ESPL1: variants seen among roughly 807,000 people sequenced by gnomAD.
The protein encoded by ESPL1 is separin.
ESPL1 carries 50 observed loss-of-function variants against 217.2 expected under a neutral mutation model. That is an observed-to-expected ratio of 0.23 (90% CI 0.18 to 0.29). The LOEUF is 0.29. Among genes scored for constraint, ESPL1 ranks in the 10% least tolerant of loss-of-function variants. The pLI is 1.00. For missense variants in ESPL1, 1,834 were observed against 2,603.0 expected (o/e 0.70, Z 6.43); for synonymous variants, 994 against 1,081.3 (o/e 0.92, Z 1.58).
Position 53,277,939 on chromosome 12 carries a change from C to T in ESPL1, c.2343C>T (p.Ala781=). The T allele has an allele frequency of 6.2e-7, 1 of 1,613,864 alleles. No homozygotes were observed. ...CAGCCTCACTGCAGATCCTAGCAGC[C>T]CTCTACCAGCTGGTGGCAAAGGTAA... The part of the protein sequence containing the change: ...QTAASLQILA[A]LYQLVAKPMQ... Residue 781 remains alanine (A), a synonymous_variant, in exon 11 of 31, where the codon GCC becomes GCT. Transcript: ENST00000257934.
intron 11 of ESPL1, among the ~76,000 whole-genome samples, chr12:53,278,794 T>C (rs1401741321): frequency 6.6e-6 from 1 of 152,078 alleles, no homozygotes; most frequent in East Asian, 1.9e-4. Flanking sequence ...TTTCACCATA[T>C]TGGCCAGGCC....
intron 17 of ESPL1, among the ~76,000 whole-genome samples, chr12:53,285,580 G>C (rs1192817313): frequency 6.6e-6 from 1 of 152,032 alleles, no homozygotes; most frequent in Non-Finnish European, 1.5e-5. Context: ...GTGGTGGTGG[G>C]CGCCTGTAGT....
rs114605266 is a variant in ESPL1, at chr12:53,270,895, G to C, written c.1369+97G>C. ...GCTGCGTGGTTCTGACCACTGTGAGGGTTCCTTATGGTTCAAGGAGGCAGT... is the reference window on the plus strand; with the variant it reads ...GCTGCGTGGTTCTGACCACTGTGAGCGTTCCTTATGGTTCAAGGAGGCAGT... On this transcript the variant is annotated intron_variant, in intron 5 of 30. Transcript: ENST00000257934. The C allele has an allele frequency of 1.5e-3, 2,016 of 1,319,814 alleles. 33 individuals are homozygous for C. The African/African-American group carries it at 0.026, about 17-fold the overall frequency. The allele number at this position is 1,319,814 out of a possible 1,614,324, so 81.8% of individuals were successfully genotyped here. A position where few individuals can be genotyped will look rare whatever the true frequency, so the allele number is the denominator to read the frequency against.
At chr12:53,289,339 C>G (rs1944012664) in intron 21 of ESPL1, 36 bp downstream of exon 21, 4 of 1,609,822 alleles carry the variant, frequency 2.5e-6, no homozygotes, top group Non-Finnish European at 3.4e-6. Context: ...CCTGCTGGGG[C>G]AGACTAGAGA....
At chr12:53,280,494 G>A (rs1045471957) in intron 12 of ESPL1, among the ~76,000 whole-genome samples, 2 of 151,702 alleles carry the variant, frequency 1.3e-5, no homozygotes, top group Admixed American at 1.3e-4. Context: ...TCACCCTCCC[G>A]AGTAACTGGG....
At position 53,282,550 on chromosome 12, in the gene ESPL1, A is replaced by G. The variant is rs1943881199; in HGVS notation, c.2791+115A>G. 11 of 944,140 alleles carry G rather than the reference A, an allele frequency of 1.2e-5. No individual in the cohort carries two copies. In the Admixed American group the frequency reaches 2.4e-4, roughly 20 times the overall value. The allele number at this position is 944,140 out of a possible 1,614,324, so 58.5% of individuals were successfully genotyped here. A position where few individuals can be genotyped will look rare whatever the true frequency, so the allele number is the denominator to read the frequency against. ...TAACTATGTGGCCCAGCCTACCTAG[A>G]ACCTGCACAGAGTAGGCCTGGGATA... On this transcript the variant is annotated intron_variant, in intron 14 of 30. Coordinates refer to ENST00000257934, the MANE Select transcript of ESPL1 (RefSeq NM_012291.5). This position sits in a 1 kb window ranked among gnomAD's most constrained non-coding sequence, Gnocchi z 4.0.
chr12:53,292,722 C>T lies in ESPL1; in HGVS notation c.5996+65C>T. ...CTGAGGATGGTATCACCATGGGTTG[C>T]TTTGGGACTTGAGAGCCTCTGAAGA... On this transcript the variant is annotated intron_variant, in intron 29 of 30. Coordinates refer to ENST00000257934, the MANE Select transcript of ESPL1 (RefSeq NM_012291.5). This position sits in a 1 kb window ranked among gnomAD's most constrained non-coding sequence, Gnocchi z 4.5. The T allele has an allele frequency of 6.2e-7, 1 of 1,601,584 alleles. No individual in the cohort carries two copies. The highest frequency in any genetic ancestry group is 8.5e-7 in the Non-Finnish European group (1 of 1,171,342).
intron 18 of ESPL1, 125 bp downstream of exon 18, chr12:53,287,037 C>T: frequency 1.1e-6 from 1 of 926,850 alleles, no homozygotes. Flanking sequence ...ACTTTAATCT[C>T]CTGCTATCTG....
At chr12:53,273,588 G>A (rs957403972) in intron 6 of ESPL1, among the ~76,000 whole-genome samples, 6 of 150,932 alleles carry the variant, frequency 4.0e-5, no homozygotes, top group Non-Finnish European at 5.9e-5. Flanking sequence ...GTGAAACCCC[G>A]TCTCTACTGA....
chr12:53,289,905 G>A (rs1221276201), intron 22 of ESPL1, 180 bp from the exon 23 acceptor site: 3 of 659,038 alleles, frequency 4.6e-6, no homozygotes, highest in Non-Finnish European at 7.7e-6. Flanking sequence ...GGGACACAAA[G>A]TACAAGTCAT....
In ESPL1 at chr12:53,291,885, G is replaced by C. The variant is rs775420823; in HGVS notation, c.5691+25G>C. 1.9e-6 allele frequency: 3 copies of C among 1,586,900 alleles called. No homozygotes were observed. The Admixed American group carries it at 5.2e-5, about 27-fold the overall frequency. On this transcript the variant is annotated intron_variant, in intron 26 of 30. Transcript: ENST00000257934. ...GGTAAGGAGCTGGGGCAGAGGGGCA[G>C]TGTCTAGTGGGGAGTGAATACCAAC...
Position 53,286,932 on chromosome 12 carries a change from A to AGGTGGT in ESPL1, c.4176+25_4176+30dup. ...CTCAAGGTGAGGTGGGACTGTTGCT[A>AGGTGGT]GGTGGTGGTGATGGTGTTGGATGGG... On this transcript the variant is annotated intron_variant, in intron 18 of 30. Coordinates refer to ENST00000257934, the MANE Select transcript of ESPL1 (RefSeq NM_012291.5). The surrounding 1 kb of genome is among the most constrained non-coding windows in gnomAD (Gnocchi z 5.3). 6.4e-7 allele frequency: 1 copy of AGGTGGT among 1,565,128 alleles called. No individual in the cohort carries two copies. The highest frequency in any genetic ancestry group is 8.6e-7 in the Non-Finnish European group (1 of 1,156,764).
chr12:53,289,485 C>G lies in ESPL1; in HGVS notation c.5004C>G (p.Val1668=). The G allele has an allele frequency of 6.2e-7, 1 of 1,613,974 alleles. No homozygotes were observed. Among genetic ancestry groups the G allele is most frequent in the Non-Finnish European group, 8.5e-7 (1 of 1,179,868 alleles). Residue 1668 remains valine, a synonymous_variant, in exon 22 of 31, where the codon GTC becomes GTG. Transcript: ENST00000257934. ...GCCTTCAGGAGATGCCTGGAGATGT[C>G]CCCCTGGCCCGCATCCAGCGCCTCT... ...GLSLQEMPGD[V]PLARIQRLFS...
chr12:53,293,629 A>T lies in ESPL1; in HGVS notation c.*155A>T. 1.6e-6 allele frequency: 1 copy of T among 632,450 alleles called. No individual in the cohort carries two copies. Among genetic ancestry groups the T allele is most frequent in the Admixed American group, 2.9e-5 (1 of 34,408 alleles). 39.2% of individuals were successfully genotyped at this position (632,450 alleles called of 1,614,324 possible). The stretch of plus-strand genomic sequence containing the variant: ...TTTAACCTCAGTATAATAAAGATAC[A>T]TCATTTAAACCCTGTTTTGCGTAGT... On this transcript the variant is annotated 3_prime_UTR_variant, in exon 31 of 31. Transcript: ENST00000257934. The surrounding 1 kb of genome is among the most constrained non-coding windows in gnomAD (Gnocchi z 4.2).
rs1369409438 is a variant in ESPL1, at chr12:53,290,444, G to A, written c.5339G>A (p.Arg1780Gln). The change falls in exon 24 of 31, where the codon CGG becomes CAG. Residue 1780 changes from arginine to glutamine, a missense_variant. Coordinates refer to ENST00000257934, the MANE Select transcript of ESPL1 (RefSeq NM_012291.5). ...GACAAGCGAGAATGGTGGACAGGGC[G>A]GCTGGCACTGGACCACAGGATGGAG... ...CTDKREWWTGRLALDHRMEVL... is the reference protein window; with the variant it reads ...CTDKREWWTGQLALDHRMEVL... 3 of 1,612,928 alleles carry A rather than the reference G, an allele frequency of 1.9e-6. No individual in the cohort carries two copies. Among genetic ancestry groups the A allele is most frequent in the East Asian group, 2.2e-5 (1 of 44,892 alleles).
rs1333049490 is a variant in ESPL1, at chr12:53,277,502, T to G, written c.2118T>G (p.Pro706=). The G allele has an allele frequency of 1.2e-6, 2 of 1,614,134 alleles. No individual in the cohort carries two copies. Among genetic ancestry groups the G allele is most frequent in the Admixed American group, 3.3e-5 (2 of 60,010 alleles). Residue 706 remains proline, a synonymous_variant, in exon 10 of 31, where the codon CCT becomes CCG. Transcript: ENST00000257934. The part of the protein sequence containing the change: ...GIERDRRAQA[P]GNLEEFEVND... ...AGCGGGATCGGAGAGCCCAGGCCCC[T>G]GGTAACTTGGAGGAATTTGAAGTCA...
chr12:53,268,810 G>T lies in ESPL1; in HGVS notation c.44G>T (p.Ser15Ile). 6.2e-7 allele frequency: 1 copy of T among 1,612,786 alleles called. No individual in the cohort carries two copies. The highest frequency in any genetic ancestry group is 1.1e-5 in the South Asian group (1 of 90,732). Reference sequence around the variant, plus strand: ...GTCAACTTTGGGACTCTGCTAAGCAGCCAGAAGGAGGCTGAAGAGTTGCTG... The same window carrying T: ...GTCAACTTTGGGACTCTGCTAAGCATCCAGAAGGAGGCTGAAGAGTTGCTG... ...KRVNFGTLLS[S>I]QKEAEELLPA... The change falls in exon 2 of 31, where the codon AGC (serine) becomes ATC (isoleucine). Residue 15 changes from serine (S) to isoleucine (I), a missense_variant. Transcript: ENST00000257934.
chr12:53,285,565 C>T (rs1025896614), intron 17 of ESPL1, among the ~76,000 whole-genome samples: 5 of 152,080 alleles, frequency 3.3e-5, no homozygotes, highest in Non-Finnish European at 7.4e-5. Context: ...AAAAATTAGC[C>T]GGGCGTGGTG....
intron 6 of ESPL1, among the ~76,000 whole-genome samples, chr12:53,273,338 C>T (rs1484089254): frequency 6.6e-6 from 1 of 151,866 alleles, no homozygotes; most frequent in Non-Finnish European, 1.5e-5. Flanking sequence ...CCACCGCAGC[C>T]GGCCTGACTC....
Sources: allele counts gnomAD v4.1 joint callset (sites outside exome capture counted in the v4.1 genomes callset), GRCh38; gene constraint gnomAD v4.1.1; non-coding constraint Gnocchi (gnomAD v3.1); transcripts MANE v1.5; gene names NCBI Gene and HGNC (gene_info 2026-07-23, HGNC 2026-07-21).